The following PIP5K1B variants were observed in gnomAD, a reference collection of about 807,000 sequenced individuals.
The protein encoded by PIP5K1B is phosphatidylinositol-4-phosphate 5-kinase type 1 beta.
In PIP5K1B, 42 loss-of-function variants were observed where a neutral mutation model predicts 67.0. The ratio of observed to expected loss-of-function variants is 0.63; its 90% CI spans 0.49 to 0.81. PIP5K1B has a LOEUF of 0.81. Among genes scored for constraint, PIP5K1B ranks in the 30% least tolerant of loss-of-function variants. The probability of loss-of-function intolerance (pLI) is 0.00; values close to 1 mark genes in which losing one functional copy is unlikely to be tolerated. For missense variants in PIP5K1B, 459 were observed against 646.3 expected (o/e 0.71, Z 3.14); for synonymous variants, 214 against 231.4 (o/e 0.92, Z 0.68).
intron 8 of PIP5K1B, among the ~76,000 whole-genome samples, chr9:68,914,160 A>G (rs1825979860): frequency 6.6e-6 from 1 of 152,222 alleles, no homozygotes; most frequent in Admixed American, 6.5e-5. Flanking sequence ...ATATTGCATG[A>G]CAATATAAAA....
At chr9:68,894,714 A>T (rs1486055744) in intron 8 of PIP5K1B, 76 bp downstream of exon 8, 73 of 1,370,350 alleles carry the variant, frequency 5.3e-5, no homozygotes, top group Non-Finnish European at 7.3e-5. Context: ...TATTGAAAGC[A>T]TAGAAATAAG....
chr9:68,922,680 A>T (rs1161438809), intron 11 of PIP5K1B, among the ~76,000 whole-genome samples: 1 of 151,868 alleles, frequency 6.6e-6, no homozygotes, highest in Non-Finnish European at 1.5e-5. Context: ...AGCCCTAAAG[A>T]CTCCTGCCAA....
chr9:69,003,629 A>G (rs147504904), intron 15 of PIP5K1B, among the ~76,000 whole-genome samples: 4 of 152,094 alleles, frequency 2.6e-5, no homozygotes, highest in Admixed American at 2.0e-4. Flanking sequence ...CACATCCCAG[A>G]TGTTCAGAAA....
At chr9:68,910,742 T>C (rs1381861317) in intron 8 of PIP5K1B, among the ~76,000 whole-genome samples, 1 of 152,184 alleles carries the variant, frequency 6.6e-6, no homozygotes. Flanking sequence ...TTGAAATCAT[T>C]AGTAAATTTG....
At chr9:68,941,097 A>G (rs1367879885) in intron 14 of PIP5K1B, 2 of 492,452 alleles carry the variant, frequency 4.1e-6, no homozygotes, top group Admixed American at 4.5e-5. Context: ...GTTTCTTCAG[A>G]GTGAGCACTC....
chr9:68,899,465 A>T (rs1349936989), intron 8 of PIP5K1B, among the ~76,000 whole-genome samples: 2 of 7,770 alleles, frequency 2.6e-4, no homozygotes, highest in Non-Finnish European at 6.0e-4. Context: ...CTAATGATTT[A>T]AAAAAAGAGA....
At chr9:68,890,073 G>T (rs1257315952) in intron 7 of PIP5K1B, among the ~76,000 whole-genome samples, 1 of 152,158 alleles carries the variant, frequency 6.6e-6, no homozygotes, top group Non-Finnish European at 1.5e-5. Flanking sequence ...CAGAGCTGGG[G>T]CTACGCAAGC....
intron 3 of PIP5K1B, among the ~76,000 whole-genome samples, chr9:68,821,549 C>T (rs1833731976): frequency 6.6e-6 from 1 of 152,130 alleles, no homozygotes; most frequent in Non-Finnish European, 1.5e-5. Flanking sequence ...GTCAGATTAG[C>T]AAAGCTGTTT....
intron 8 of PIP5K1B, among the ~76,000 whole-genome samples, chr9:68,899,993 C>G (rs769990698): frequency 2.2e-4 from 33 of 152,148 alleles, no homozygotes; most frequent in Non-Finnish European, 4.1e-4. Flanking sequence ...TGTGCAACTC[C>G]CATTTAGAAG....
At chr9:68,970,302 G>A (rs1186206172) in intron 14 of PIP5K1B, among the ~76,000 whole-genome samples, 6 of 152,194 alleles carry the variant, frequency 3.9e-5, no homozygotes, top group Non-Finnish European at 5.9e-5. Context: ...TATAGCTAGG[G>A]TTAATTACAT....
At chr9:68,861,484 A>C (rs1266576005) in intron 4 of PIP5K1B, among the ~76,000 whole-genome samples, 1 of 152,104 alleles carries the variant, frequency 6.6e-6, no homozygotes. Context: ...AGAATTGGTT[A>C]CTCTCTTTGG....
rs182532586 is a variant in PIP5K1B, at chr9:68,788,187, A to G, written c.-85-30274A>G. 7.0e-3 allele frequency: 2,232 copies of G among 319,846 alleles called. 55 individuals are homozygous for G. The highest frequency in any genetic ancestry group is 0.047 in the African/African-American group (2,086 of 44,516). The allele number at this position is 319,846 out of a possible 1,614,324, so 19.8% of individuals were successfully genotyped here. ...ATTAGTTCCACAGCACTGCAGGCTA[A>G]GGGGAAAAAGGAATGTGTGGGCCCA... is the stretch of plus-strand genomic sequence containing the variant. On this transcript the variant is annotated intron_variant, in intron 2 of 15. Transcript: ENST00000265382.
intron 8 of PIP5K1B, among the ~76,000 whole-genome samples, chr9:68,914,726 T>C (rs1046483600): frequency 6.7e-6 from 1 of 149,120 alleles, no homozygotes; most frequent in Non-Finnish European, 1.5e-5. Context: ...ATAAAAAAAA[T>C]AAACAAATAA....
chr9:68,980,770 C>G (rs2132886388), intron 14 of PIP5K1B, among the ~76,000 whole-genome samples: 1 of 152,310 alleles, frequency 6.6e-6, no homozygotes, highest in Non-Finnish European at 1.5e-5. Context: ...TGGATATTCT[C>G]TGAGGTTTCT....
chr9:68,867,185 A>ATT (rs35757034), intron 5 of PIP5K1B, among the ~76,000 whole-genome samples: 13 of 151,354 alleles, frequency 8.6e-5, no homozygotes, highest in South Asian at 2.1e-4. Context: ...CATTTGATGC[A>ATT]TTTTTTTTTT....
chr9:68,954,033 A>G (rs138231604), intron 14 of PIP5K1B, among the ~76,000 whole-genome samples: 28 of 151,762 alleles, frequency 1.8e-4, no homozygotes, highest in Admixed American at 1.2e-3. Context: ...TTTTACCTCA[A>G]TTGCTTCTGG....
At chr9:68,998,053 TTTTTTTC>T (rs1159664123) in intron 15 of PIP5K1B, among the ~76,000 whole-genome samples, 1 of 150,714 alleles carries the variant, frequency 6.6e-6, no homozygotes, top group South Asian at 2.1e-4. Context: ...TCTTTTTTTC[TTTTTTTC>T]TTTTTTCTTT....
intron 14 of PIP5K1B, among the ~76,000 whole-genome samples, chr9:68,975,626 A>G (rs1015573724): frequency 6.6e-6 from 1 of 152,178 alleles, no homozygotes; most frequent in African/African-American, 2.4e-5. Context: ...ACAAAGTACC[A>G]TGAACTGGAT....
intron 14 of PIP5K1B, among the ~76,000 whole-genome samples, chr9:68,988,433 GTTTTTTTGGGGT>G (rs1830186723): frequency 7.9e-6 from 1 of 126,420 alleles, no homozygotes; most frequent in Admixed American, 8.0e-5. Flanking sequence ...AAACTTAGTT[GTTTTTTTGGGGT>G]TTTTTTTTTT....
Sources: allele counts gnomAD v4.1 joint callset (sites outside exome capture counted in the v4.1 genomes callset), GRCh38; gene constraint gnomAD v4.1.1; transcripts MANE v1.5; gene names NCBI Gene and HGNC (gene_info 2026-07-23, HGNC 2026-07-21).